The following SYT16 variants were observed in gnomAD, a reference collection of about 807,000 sequenced individuals.
SYT16 encodes the protein synaptotagmin 16, also known as synaptotagmin-16.
SYT16 carries 42 observed loss-of-function variants against 61.4 expected under a neutral mutation model. The ratio of observed to expected loss-of-function variants is 0.68; its 90% CI spans 0.53 to 0.89. The LOEUF (loss-of-function observed/expected upper bound fraction) is 0.89. Among genes scored for constraint, SYT16 ranks in the 40% least tolerant of loss-of-function variants. The pLI is 0.00. For synonymous variants in SYT16, 314 were observed against 302.3 expected, an observed-to-expected ratio of 1.04 and a Z score of -0.40; for missense variants, 804 against 807.3, an observed-to-expected ratio of 1.00 and a Z score of 0.05.
In SYT16 at chr14:62,084,398, C is replaced by T. The variant is rs1236933805; in HGVS notation, c.1624+13C>T. On this transcript the variant is annotated intron_variant, in intron 7 of 7. Coordinates refer to ENST00000683842, the MANE Select transcript of SYT16 (RefSeq NM_001367656.1). ...AACCGAGCACCTGGTAAGTGTGAGT[C>T]TGTTCTCCCAGCTCTGGTTCTTCCA... The T allele has an allele frequency of 2.5e-6, 4 of 1,607,234 alleles. 1 individual carries two copies. Among genetic ancestry groups the T allele is most frequent in the Non-Finnish European group, 3.4e-6 (4 of 1,178,256 alleles).
At chr14:61,868,246 A>C (rs1365729608) in intron 1 of SYT16, among the ~76,000 whole-genome samples, 1 of 151,750 alleles carries the variant, frequency 6.6e-6, no homozygotes, top group East Asian at 1.9e-4. Flanking sequence ...AATCTTAATC[A>C]GTGTGATTAG....
chr14:61,897,155 G>A lies in SYT16; in HGVS notation c.-324-72977G>A, dbSNP rs555151672. 4 of 152,278 alleles carry A rather than the reference G, an allele frequency of 2.6e-5. No individual in the cohort carries two copies. The South Asian group carries it at 8.3e-4, about 32-fold the overall frequency. The allele number at this position is 152,278 out of a possible 1,614,324, so 9.4% of individuals were successfully genotyped here. On this transcript the variant is annotated intron_variant, in intron 1 of 7. Transcript: ENST00000683842. ...AACCATGCTTACTTGTTTACGTATT[G>A]TCTATGGCTACTTTCACACTACATT...
intron 1 of SYT16, among the ~76,000 whole-genome samples, chr14:61,919,943 G>T (rs1183840391): frequency 7.2e-5 from 2 of 27,612 alleles, no homozygotes; most frequent in Non-Finnish European, 1.6e-4. Flanking sequence ...TCAAATCCTT[G>T]ATACACATTT....
intron 3 of SYT16, among the ~76,000 whole-genome samples, chr14:62,005,381 C>T (rs2053180646): frequency 6.6e-6 from 1 of 152,032 alleles, no homozygotes; most frequent in African/African-American, 2.4e-5. Context: ...GTAAAAGAGC[C>T]CAGGGAACTC....
At chr14:61,913,671 T>G (rs1193675683) in intron 1 of SYT16, among the ~76,000 whole-genome samples, 5 of 150,606 alleles carry the variant, frequency 3.3e-5, no homozygotes, top group Non-Finnish European at 7.4e-5. Context: ...CTAAAAATGA[T>G]AGAAGAAAAT....
intron 1 of SYT16, among the ~76,000 whole-genome samples, chr14:61,887,682 A>G (rs2047962083): frequency 6.6e-6 from 1 of 152,148 alleles, no homozygotes; most frequent in Admixed American, 6.5e-5. Context: ...AAACCTCATG[A>G]ACCAACCTCA....
chr14:62,094,373 C>A (rs576019244), intron 7 of SYT16, among the ~76,000 whole-genome samples: 4 of 152,098 alleles, frequency 2.6e-5, no homozygotes, highest in African/African-American at 9.6e-5. Context: ...TTAACTTTTC[C>A]CCTCTTCCCC....
rs2141044127 is a variant in SYT16 at position 62,111,070 on chromosome 14, G to A, written c.*10363G>A. 1 of 152,180 alleles carries A rather than the reference G, an allele frequency of 6.6e-6. No individual in the cohort carries two copies. The highest frequency in any genetic ancestry group is 2.1e-4 in the South Asian group (1 of 4,830). The allele number at this position is 152,180 out of a possible 1,614,324, so 9.4% of individuals were successfully genotyped here. A position where few individuals can be genotyped will look rare whatever the true frequency, so the allele number is the denominator to read the frequency against. Reference sequence around the variant, plus strand: ...TAGCAATATTTTATTTGTGTTCACAGTGCAAGATAAATCTGACTTTCTCAA... The same window carrying A: ...TAGCAATATTTTATTTGTGTTCACAATGCAAGATAAATCTGACTTTCTCAA... On this transcript the variant is annotated 3_prime_UTR_variant, in exon 8 of 8. Transcript: ENST00000683842.
Position 62,081,832 on chromosome 14 carries a change from G to C in SYT16, c.1434+558G>C, listed in dbSNP as rs137931362. ...AGCTCACTACTGCTGTGGGTTATAT[G>C]TCATGTAGTATGCCCATCTCCTTTT... On this transcript the variant is annotated intron_variant, in intron 6 of 7. Coordinates refer to ENST00000683842, the MANE Select transcript of SYT16 (RefSeq NM_001367656.1). 8.5e-3 allele frequency among the ~76,000 whole-genome samples: 1,298 copies of C among 152,302 alleles called. 8 individuals are homozygous for C. Among genetic ancestry groups the C allele is most frequent in the Middle Eastern group, 0.02 (6 of 294 alleles).
intron 2 of SYT16, among the ~76,000 whole-genome samples, chr14:61,987,112 C>T (rs866681579): frequency 3.9e-5 from 6 of 152,020 alleles, no homozygotes; most frequent in South Asian, 2.1e-4. Context: ...TGGATTATGG[C>T]GGGGGGAAAA....
intron 2 of SYT16, among the ~76,000 whole-genome samples, chr14:61,978,007 T>C (rs1378243809): frequency 2.6e-5 from 4 of 152,312 alleles, no homozygotes; most frequent in Non-Finnish European, 5.9e-5. Context: ...GCATTCTTTG[T>C]CTTGTGGCTG....
Position 62,076,699 on chromosome 14 carries a change from G to T in SYT16, c.993+1308G>T, listed in dbSNP as rs552393318. Among the ~76,000 whole-genome samples, 17 of 152,170 alleles carry T rather than the reference G, an allele frequency of 1.1e-4. 1 individual carries two copies. Among genetic ancestry groups the T allele is most frequent in the African/African-American group, 3.6e-4 (15 of 41,502 alleles). ...AAAAAAGAAAAAACTCTGCTTACCC[G>T]TTAGTTTACTACCAAGCCGTATCAA... On this transcript the variant is annotated intron_variant, in intron 5 of 7. Transcript: ENST00000683842.
intron 2 of SYT16, among the ~76,000 whole-genome samples, chr14:61,975,707 G>A (rs147541960): frequency 2.0e-5 from 3 of 152,216 alleles, no homozygotes; most frequent in Non-Finnish European, 4.4e-5. Flanking sequence ...ATCCTATTTG[G>A]TTCTTAGGGT....
At chr14:61,887,620 C>G (rs966244556) in intron 1 of SYT16, among the ~76,000 whole-genome samples, 2 of 152,238 alleles carry the variant, frequency 1.3e-5, no homozygotes, top group Non-Finnish European at 2.9e-5. Context: ...TCTACATCAG[C>G]ACTTGCTGCT....
At chr14:61,832,226 A>G in intron 1 of SYT16, 3 of 631,780 alleles carry the variant, frequency 4.7e-6, no homozygotes, top group Non-Finnish European at 9.3e-6. Flanking sequence ...CATGGGCCAC[A>G]TCGGGTACGG....
chr14:62,034,956 C>T (rs1317384766), intron 3 of SYT16, among the ~76,000 whole-genome samples: 1 of 152,182 alleles, frequency 6.6e-6, no homozygotes, highest in African/African-American at 2.4e-5. Flanking sequence ...GTTTTTCTGT[C>T]TGAGGGTGGA....
At chr14:61,882,403 C>A (rs990396885) in intron 1 of SYT16, among the ~76,000 whole-genome samples, 2 of 152,158 alleles carry the variant, frequency 1.3e-5, no homozygotes, top group African/African-American at 4.8e-5. Context: ...TGAATGCAAG[C>A]AGGAGAAATG....
intron 1 of SYT16, among the ~76,000 whole-genome samples, chr14:61,876,964 C>T (rs1303962167): frequency 6.6e-6 from 1 of 152,170 alleles, no homozygotes; most frequent in Admixed American, 6.5e-5. Flanking sequence ...ACTGGTTATC[C>T]AAACAGAGCT....
At chr14:62,060,792 AT>A (rs1213877263) in intron 3 of SYT16, among the ~76,000 whole-genome samples, 4 of 151,952 alleles carry the variant, frequency 2.6e-5, no homozygotes, top group Non-Finnish European at 5.9e-5. Context: ...TATACTTGTA[AT>A]GTCTTTGTTA....
Sources: allele counts gnomAD v4.1 joint callset (sites outside exome capture counted in the v4.1 genomes callset), GRCh38; gene constraint gnomAD v4.1.1; transcripts MANE v1.5; gene names NCBI Gene and HGNC (gene_info 2026-07-23, HGNC 2026-07-21).